Variants in SFMBT1 observed in about 807,000 individuals in gnomAD.
SFMBT1 encodes scm-like with four MBT domains protein 1.
In SFMBT1, 32 loss-of-function variants were observed where a neutral mutation model predicts 108.7. That is an observed-to-expected ratio of 0.29 (90% CI 0.22 to 0.40). The LOEUF (loss-of-function observed/expected upper bound fraction) is 0.40, where lower values mean the gene tolerates loss of function less well. Among genes scored for constraint, SFMBT1 ranks in the 10% least tolerant of loss-of-function variants. The probability of loss-of-function intolerance (pLI) is 1.00; values close to 1 mark genes in which losing one functional copy is unlikely to be tolerated. For missense variants in SFMBT1, 816 were observed against 1,059.6 expected, an observed-to-expected ratio of 0.77 and a Z score of 3.19; for synonymous variants, 348 against 369.5, an observed-to-expected ratio of 0.94 and a Z score of 0.67.
At chr3:52,995,435 T>C (rs1248038381) in intron 1 of SFMBT1, among the ~76,000 whole-genome samples, 3 of 150,268 alleles carry the variant, frequency 2.0e-5, no homozygotes, top group Admixed American at 1.3e-4. Flanking sequence ...GTCGCCAAGT[T>C]TGGAATGCAA....
rs1702102942 is a variant in SFMBT1, at chr3:52,907,634, T to C, written c.2006A>G (p.Lys669Arg). 1.2e-6 allele frequency: 2 copies of C among 1,614,072 alleles called. No homozygotes were observed. Among genetic ancestry groups the C allele is most frequent in the Admixed American group, 1.7e-5 (1 of 60,006 alleles). The change falls in exon 18 of 21, where the codon AAG becomes AGG. Residue 669 changes from lysine to arginine, a missense_variant. Physicochemically the swap from Lys to Arg is conservative, Grantham distance 26. This residue lies in a region of SFMBT1 where 177 missense variants were observed against 182.0 expected (regional missense o/e 0.97). Coordinates refer to ENST00000394752, the MANE Select transcript of SFMBT1 (RefSeq NM_016329.4). ...CALKKASKRR[K>R]RRKNVFVHKK... ...ATGAACAAAAACATTTTTCCGCCTC[T>C]TTCTCCTCTTACTGGCTTTTTTCAG... is the stretch of plus-strand genomic sequence containing the variant.
At chr3:53,012,404 T>G (rs1283979134) in intron 1 of SFMBT1, among the ~76,000 whole-genome samples, 1 of 142,742 alleles carries the variant, frequency 7.0e-6, no homozygotes, top group African/African-American at 2.5e-5. Context: ...GTGAGTGCTC[T>G]TTTTTTTTTT....
At chr3:52,919,674 T>A (rs1702461352) in intron 12 of SFMBT1, among the ~76,000 whole-genome samples, 1 of 152,216 alleles carries the variant, frequency 6.6e-6, no homozygotes. Context: ...GACTCTGGCT[T>A]CCATCTTCCT....
chr3:52,913,685 G>A (rs1296396182), intron 14 of SFMBT1, 68 bp from the exon 15 acceptor site: 24 of 1,549,728 alleles, frequency 1.5e-5, no homozygotes, highest in Non-Finnish European at 1.2e-5. Flanking sequence ...AAGCTGAACT[G>A]CCAGGGAAGA....
rs1411659938 is a variant in SFMBT1 at position 52,930,899 on chromosome 3, G to C, written c.795+42C>G. Reference sequence around the variant, plus strand: ...ACCTCCTGCGTTGCTTTACTCTACTGTAAGGGGAGCAATACCGGTCTATCA... The same window carrying C: ...ACCTCCTGCGTTGCTTTACTCTACTCTAAGGGGAGCAATACCGGTCTATCA... On this transcript the variant is annotated intron_variant, in intron 7 of 20. Transcript: ENST00000394752. The C allele has an allele frequency of 2.6e-6, 4 of 1,554,570 alleles. No homozygotes were observed. In the African/African-American group the frequency reaches 5.4e-5, roughly 21 times the overall value.
intron 4 of SFMBT1, among the ~76,000 whole-genome samples, chr3:52,938,092 C>T (rs575090113): frequency 6.6e-6 from 1 of 152,242 alleles, no homozygotes; most frequent in South Asian, 2.1e-4. Flanking sequence ...CCTTTGTCAG[C>T]TATCAAGACT....
rs1009418521 is a variant in SFMBT1, at chr3:52,969,219, G to A, written c.-91C>T. ...TCTGAAGATTACTTGCAGGTTTCAAGCATCTGTTCAATGGGTATCCACGGG... is the reference window on the plus strand; with the variant it reads ...TCTGAAGATTACTTGCAGGTTTCAAACATCTGTTCAATGGGTATCCACGGG... On this transcript the variant is annotated 5_prime_UTR_variant, in exon 2 of 21. Transcript: ENST00000394752. 1 of 1,589,922 alleles carries A rather than the reference G, an allele frequency of 6.3e-7. No homozygotes were observed. The highest frequency in any genetic ancestry group is 1.4e-5 in the African/African-American group (1 of 73,488).
intron 8 of SFMBT1, chr3:52,928,643 T>TACATATATATACATATATAC: frequency 2.0e-5 from 1 of 50,534 alleles, no homozygotes; most frequent in African/African-American, 5.1e-5. Flanking sequence ...TATACATATA[T>TACATATATATACATATATAC]ATATATATAT....
At chr3:52,944,553 C>T (rs1336912000) in intron 3 of SFMBT1, among the ~76,000 whole-genome samples, 2 of 152,186 alleles carry the variant, frequency 1.3e-5, no homozygotes, top group Admixed American at 1.3e-4. Context: ...AAGTTTCGCT[C>T]TGTTCACCCA....
At chr3:53,028,116 G>A (rs1699558386) in intron 1 of SFMBT1, among the ~76,000 whole-genome samples, 1 of 152,120 alleles carries the variant, frequency 6.6e-6, no homozygotes, top group African/African-American at 2.4e-5. Flanking sequence ...TTTGAGACAG[G>A]GTCTTGCTCT....
rs114101057 is a variant in SFMBT1, at chr3:52,977,696, T to C, written c.-130-8438A>G. On this transcript the variant is annotated intron_variant, in intron 1 of 20. Coordinates refer to ENST00000394752, the MANE Select transcript of SFMBT1 (RefSeq NM_016329.4). The stretch of plus-strand genomic sequence containing the variant: ...TATATAGATGTATACATATAACCTA[T>C]ATCTACATAAAACTGAACAAAAACA... 3.0e-3 allele frequency among the ~76,000 whole-genome samples: 450 copies of C among 152,276 alleles called. 2 individuals are homozygous for C. The highest frequency in any genetic ancestry group is 0.01 in the African/African-American group (433 of 41,540).
At chr3:53,006,374 T>C (rs1698740384) in intron 1 of SFMBT1, among the ~76,000 whole-genome samples, 1 of 152,156 alleles carries the variant, frequency 6.6e-6, no homozygotes, top group Admixed American at 6.5e-5. Context: ...CTCACGCCTG[T>C]AATCCCAGCA....
chr3:53,016,587 G>T (rs1559550872), intron 1 of SFMBT1, among the ~76,000 whole-genome samples: 1 of 152,136 alleles, frequency 6.6e-6, no homozygotes, highest in Admixed American at 6.5e-5. Context: ...CTTTTCTTAT[G>T]TTTACTGACC....
intron 1 of SFMBT1, among the ~76,000 whole-genome samples, chr3:52,982,282 C>T (rs1391814281): frequency 6.6e-6 from 1 of 152,122 alleles, no homozygotes; most frequent in African/African-American, 2.4e-5. Flanking sequence ...AGAAAAAGTC[C>T]TGAAAGCCAT....
intron 2 of SFMBT1, among the ~76,000 whole-genome samples, chr3:52,968,600 C>CTTTT (rs5848970): frequency 5.5e-5 from 7 of 127,604 alleles, no homozygotes; most frequent in Admixed American, 8.1e-5. Flanking sequence ...AAAACAGTTT[C>CTTTT]TTTTTTTTTT....
At chr3:53,031,167 TAAC>T (rs1318712695) in intron 1 of SFMBT1, among the ~76,000 whole-genome samples, 4 of 152,140 alleles carry the variant, frequency 2.6e-5, no homozygotes, top group African/African-American at 7.2e-5. Flanking sequence ...TTGATTCCAT[TAAC>T]AACAGTGGGA....
chr3:52,969,488 TTGA>T (rs1704267945), intron 1 of SFMBT1, among the ~76,000 whole-genome samples: 2 of 152,328 alleles, frequency 1.3e-5, no homozygotes, highest in South Asian at 4.1e-4. Context: ...TATCGAGATC[TTGA>T]TAATAAATCT....
At chr3:52,907,474 C>G in intron 18 of SFMBT1, 81 bp downstream of exon 18, 6 of 1,534,028 alleles carry the variant, frequency 3.9e-6, no homozygotes, top group Non-Finnish European at 5.2e-6. Flanking sequence ...GTTAGAAAGA[C>G]CTGCAGGTAT....
intron 2 of SFMBT1, among the ~76,000 whole-genome samples, chr3:52,968,740 G>T (rs1450318619): frequency 6.6e-6 from 1 of 151,738 alleles, no homozygotes; most frequent in African/African-American, 2.4e-5. Context: ...ACAGGCACCC[G>T]TCACCACACC....
Sources: gnomAD v4.1 joint callset for allele counts (sites outside exome capture counted in the v4.1 genomes callset) on GRCh38, gnomAD v4.1.1 for gene constraint, gnomAD v4.1.1 regional missense constraint, MANE v1.5 for transcripts, NCBI Gene and HGNC (gene_info 2026-07-23, HGNC 2026-07-21) for gene names.